ARHGEF28: variants seen among roughly 807,000 people sequenced by gnomAD.
The protein encoded by ARHGEF28 is Rho guanine nucleotide exchange factor 28.
In ARHGEF28, 152 loss-of-function variants were observed where a neutral mutation model predicts 206.6. The ratio of observed to expected loss-of-function variants is 0.74; its 90% CI spans 0.64 to 0.84. The LOEUF (loss-of-function observed/expected upper bound fraction) is 0.84. Ranked by LOEUF, ARHGEF28 falls within the 40% of genes least tolerant of loss-of-function variation. ARHGEF28 has a pLI of 0.00. For synonymous variants in ARHGEF28, 763 were observed against 776.4 expected, an observed-to-expected ratio of 0.98 and a Z score of 0.29; for missense variants, 2,028 against 2,073.2, an observed-to-expected ratio of 0.98 and a Z score of 0.42.
intron 33 of ARHGEF28, chr5:73,908,879 T>TAGGTAAATAATG (rs1224927583): frequency 3.3e-5 from 5 of 152,328 alleles, no homozygotes; most frequent in African/African-American, 1.2e-4. Context: ...ATAAAAACAT[T>TAGGTAAATAATG]ATTTACCTAA....
intron 35 of ARHGEF28, among the ~76,000 whole-genome samples, chr5:73,929,465 A>G (rs1763990829): frequency 6.7e-6 from 1 of 150,070 alleles, no homozygotes; most frequent in South Asian, 2.2e-4. Flanking sequence ...TTAGATTGCC[A>G]GTTGTTTCAC....
intron 2 of ARHGEF28, among the ~76,000 whole-genome samples, chr5:73,699,285 G>C (rs1186603025): frequency 2.6e-5 from 4 of 151,912 alleles, no homozygotes; most frequent in Non-Finnish European, 4.4e-5. Context: ...CTTTTGAGGT[G>C]CATGGCTAGC....
At chr5:73,913,636 T>C (rs1314640784) in intron 35 of ARHGEF28, among the ~76,000 whole-genome samples, 1 of 152,150 alleles carries the variant, frequency 6.6e-6, no homozygotes. Context: ...CAGGGTGTGC[T>C]GGGTGGTAAC....
In ARHGEF28 at chr5:73,910,975, T is replaced by C. The variant is rs72774405; in HGVS notation, c.4648-300T>C. Reference sequence around the variant, plus strand: ...TATATGGATATGTTTTCAACTTTTTTATTTAGCAAAAGTAAAAACTGCTGC... The same window carrying C: ...TATATGGATATGTTTTCAACTTTTTCATTTAGCAAAAGTAAAAACTGCTGC... On this transcript the variant is annotated intron_variant, in intron 34 of 35. Transcript: ENST00000513042. Among the ~76,000 whole-genome samples the C allele has an allele frequency of 0.057, 8,718 of 152,328 alleles. 379 individuals are homozygous for C. Among genetic ancestry groups the C allele is most frequent in the Non-Finnish European group, 0.085 (5,761 of 68,030 alleles).
chr5:73,913,393 CAG>C lies in ARHGEF28; in HGVS notation c.4948+1822_4948+1823del, dbSNP rs1271892332. ...ATTTCTACAGGGGAGAAAAGAAAGTCAGAGAATAGGCGGTGATAAGAAAGTGG... is the reference window on the plus strand; with the variant it reads ...ATTTCTACAGGGGAGAAAAGAAAGTCAGAATAGGCGGTGATAAGAAAGTGG... On this transcript the variant is annotated intron_variant, in intron 35 of 35. Coordinates refer to ENST00000513042, the MANE Select transcript of ARHGEF28 (RefSeq NM_001177693.2). Among the ~76,000 whole-genome samples the C allele has an allele frequency of 2.6e-5, 4 of 152,260 alleles. No homozygotes were observed. The East Asian group carries it at 7.7e-4, about 29-fold the overall frequency.
At chr5:73,745,107 G>T (rs994894723) in intron 2 of ARHGEF28, among the ~76,000 whole-genome samples, 3 of 151,870 alleles carry the variant, frequency 2.0e-5, no homozygotes, top group Non-Finnish European at 4.4e-5. Context: ...TTTGTTCATT[G>T]CCCAGTCATG....
intron 35 of ARHGEF28, among the ~76,000 whole-genome samples, chr5:73,932,800 CTTTTTTTT>C (rs386404110): frequency 3.3e-3 from 242 of 73,390 alleles, no homozygotes; most frequent in East Asian, 0.024. Flanking sequence ...TTTCCTATTT[CTTTTTTTT>C]TTTTTTTTTT....
chr5:73,734,982 T>C (rs1367868811), intron 2 of ARHGEF28, among the ~76,000 whole-genome samples: 2 of 152,120 alleles, frequency 1.3e-5, no homozygotes, highest in African/African-American at 4.8e-5. Flanking sequence ...GGTCAAATAA[T>C]GTAGCCTTCT....
At chr5:73,633,570 A>ATTTTTTTTTT (rs764440038) in intron 1 of ARHGEF28, among the ~76,000 whole-genome samples, 2 of 101,060 alleles carry the variant, frequency 2.0e-5, no homozygotes, top group African/African-American at 4.2e-5. Flanking sequence ...AATACCTTTA[A>ATTTTTTTTTT]TTTTTTTTTT....
chr5:73,633,808 C>T (rs1234295484), intron 1 of ARHGEF28, among the ~76,000 whole-genome samples: 1 of 151,932 alleles, frequency 6.6e-6, no homozygotes, highest in Non-Finnish European at 1.5e-5. Context: ...AACTCCTGAT[C>T]TCAGGTGATC....
chr5:73,927,194 C>T (rs116251575), intron 35 of ARHGEF28, among the ~76,000 whole-genome samples: 4,780 of 149,956 alleles, frequency 0.032, 243 homozygotes, highest in African/African-American at 0.11. Flanking sequence ...GAGCCCATCA[C>T]TAAAAAAAAA....
At chr5:73,720,670 C>T (rs534532069) in intron 2 of ARHGEF28, among the ~76,000 whole-genome samples, 16 of 152,244 alleles carry the variant, frequency 1.1e-4, no homozygotes, top group African/African-American at 3.1e-4. Context: ...TGAAGAAAGG[C>T]GTGAAGGAGA....
In ARHGEF28 at chr5:73,741,385, GTATATATA is replaced by G. The variant is rs67973637; in HGVS notation, c.34-8402_34-8395del. On this transcript the variant is annotated intron_variant, in intron 2 of 35. Transcript: ENST00000513042. ...TGTGTGTGTGTGTGTGTGTGTGTGT[GTATATATA>G]TATATATATATATATATATATATAT... is the stretch of plus-strand genomic sequence containing the variant. 7.3e-3 allele frequency among the ~76,000 whole-genome samples: 156 copies of G among 21,488 alleles called. 2 individuals carry two copies. Among genetic ancestry groups the G allele is most frequent in the African/African-American group, 0.014 (55 of 3,854 alleles). The allele number at this position is 21,488 out of a possible 152,430, so 14.1% of individuals were successfully genotyped here.
At chr5:73,874,284 ATATG>A (rs1195697317) in intron 22 of ARHGEF28, among the ~76,000 whole-genome samples, 6 of 152,114 alleles carry the variant, frequency 3.9e-5, no homozygotes, top group Non-Finnish European at 7.4e-5. Flanking sequence ...TTCTTGTCAT[ATATG>A]TGATTGACAA....
intron 9 of ARHGEF28, among the ~76,000 whole-genome samples, chr5:73,820,337 T>A (rs1756493771): frequency 6.6e-6 from 1 of 152,132 alleles, no homozygotes; most frequent in South Asian, 2.1e-4. Flanking sequence ...CTACTCTTCC[T>A]TGTCAAGCTG....
intron 2 of ARHGEF28, among the ~76,000 whole-genome samples, chr5:73,749,393 G>A (rs1009721198): frequency 1.3e-5 from 2 of 152,200 alleles, no homozygotes; most frequent in African/African-American, 2.4e-5. Context: ...ACTGCTGGGT[G>A]TGGTGGCACA....
chr5:73,886,049 G>A lies in ARHGEF28; in HGVS notation c.3255G>A (p.Arg1085=), dbSNP rs572905410. 2.9e-5 allele frequency: 47 copies of A among 1,613,930 alleles called. No individual in the cohort carries two copies. The Admixed American group carries it at 7.8e-4, about 27-fold the overall frequency. The change falls in exon 25 of 36, where the codon AGG becomes AGA. Residue 1085 remains arginine, a synonymous_variant. Coordinates refer to ENST00000513042, the MANE Select transcript of ARHGEF28 (RefSeq NM_001177693.2). ...FRKQALMSEE[R]TLLYDGLVYW... Reference sequence around the variant, plus strand: ...AGCAGGCACTGATGAGTGAAGAAAGGACTCTGTTATATGATGGCCTTGTTT... The same window carrying A: ...AGCAGGCACTGATGAGTGAAGAAAGAACTCTGTTATATGATGGCCTTGTTT...
At chr5:73,879,165 T>G (rs1275478426) in intron 22 of ARHGEF28, among the ~76,000 whole-genome samples, 10 of 152,200 alleles carry the variant, frequency 6.6e-5, no homozygotes, top group Admixed American at 5.2e-4. Flanking sequence ...CTTGCTTCAT[T>G]TCATTCATTT....
At chr5:73,629,765 C>T (rs568796305) in intron 1 of ARHGEF28, among the ~76,000 whole-genome samples, 1 of 152,212 alleles carries the variant, frequency 6.6e-6, no homozygotes, top group African/African-American at 2.4e-5. Flanking sequence ...GCATTTGTTC[C>T]AGTGATACTG....
Sources: gnomAD v4.1 joint callset for allele counts (sites outside exome capture counted in the v4.1 genomes callset) on GRCh38, gnomAD v4.1.1 for gene constraint, MANE v1.5 for transcripts, NCBI Gene and HGNC (gene_info 2026-07-23, HGNC 2026-07-21) for gene names.